KMT2C: variants seen among roughly 807,000 people sequenced by gnomAD.
KMT2C encodes lysine methyltransferase 2C.
Under a neutral mutation model 507.9 loss-of-function variants are expected in KMT2C, and 88 were observed. The ratio of observed to expected loss-of-function variants is 0.17; its 90% confidence interval spans 0.15 to 0.21. The LOEUF (loss-of-function observed/expected upper bound fraction) is 0.21, where lower values mean the gene tolerates loss of function less well. Ranked by LOEUF, KMT2C falls within the 10% of genes least tolerant of loss-of-function variation. The pLI, the probability that KMT2C is intolerant of heterozygous loss-of-function variation, is 1.00. For synonymous variants in KMT2C, 2,049 were observed against 2,080.8 expected (o/e 0.98, Z 0.42); for missense variants, 4,954 against 5,957.8 (o/e 0.83, Z 5.55).
chr7:152,201,283 TACAGAC>T (rs1379801965), intron 26 of KMT2C, among the ~76,000 whole-genome samples: 11 of 127,106 alleles, frequency 8.7e-5, no homozygotes, highest in South Asian at 2.7e-4. Context: ...ATGTCACACA[TACAGAC>T]ACAGACACAC....
chr7:152,339,756 A>G (rs2096973121), intron 2 of KMT2C, among the ~76,000 whole-genome samples: 2 of 152,302 alleles, frequency 1.3e-5, no homozygotes, highest in East Asian at 3.9e-4. Flanking sequence ...CTGTTTTTAT[A>G]AACCAGAGCT....
intron 3 of KMT2C, among the ~76,000 whole-genome samples, chr7:152,321,396 A>T (rs2096771936): frequency 6.6e-6 from 1 of 151,836 alleles, no homozygotes; most frequent in Admixed American, 6.5e-5. Context: ...TAAAAATTTC[A>T]ATATATTACT....
chr7:152,158,703 A>G (rs1422380773), intron 44 of KMT2C, among the ~76,000 whole-genome samples, 160 bp downstream of exon 44: 2 of 151,980 alleles, frequency 1.3e-5, no homozygotes, highest in Non-Finnish European at 2.9e-5. Context: ...TTTCGTAGAG[A>G]TGAGGTTTTG....
At chr7:152,373,721 A>G (rs1015947166) in intron 1 of KMT2C, among the ~76,000 whole-genome samples, 2 of 152,324 alleles carry the variant, frequency 1.3e-5, no homozygotes, top group South Asian at 2.1e-4. Context: ...ATAAACATCA[A>G]TAACTTTTCT....
At chr7:152,347,016 C>G (rs886985142) in intron 2 of KMT2C, among the ~76,000 whole-genome samples, 4 of 152,104 alleles carry the variant, frequency 2.6e-5, no homozygotes, top group African/African-American at 9.7e-5. Flanking sequence ...AATCCCAGCT[C>G]AGGAGGCTGA....
intron 9 of KMT2C, 79 bp downstream of exon 9, chr7:152,262,937 T>G (rs2095804369): frequency 9.9e-6 from 10 of 1,007,682 alleles, no homozygotes; most frequent in Non-Finnish European, 1.3e-5. Context: ...ATGTACAGAT[T>G]TGAATAGGTA....
chr7:152,195,918 A>C lies in KMT2C; in HGVS notation c.4367T>G (p.Val1456Gly). Reference protein sequence around the residue: ...GIISDDLAKSVDHSDIGPVTD... With the variant: ...GIISDDLAKSGDHSDIGPVTD... ...GTATTCATATATACCTGAATGATCA[A>C]CTGATTTTGCTAGATCATCTGAAAT... The change falls in exon 28 of 59, where the codon GTT (valine) becomes GGT (glycine). Residue 1456 changes from valine (V) to glycine (G), a missense_variant. Around this residue, in one of 29 missense-constraint regions of KMT2C, gnomAD observed 140 missense variants for 118.4 expected, o/e 1.18. Transcript: ENST00000262189. 6.3e-7 allele frequency: 1 copy of C among 1,586,188 alleles called. No homozygotes were observed. The highest frequency in any genetic ancestry group is 8.6e-7 in the Non-Finnish European group (1 of 1,156,804).
At chr7:152,139,868 C>A in intron 55 of KMT2C, 77 bp from the exon 56 acceptor site, 1 of 986,188 alleles carries the variant, frequency 1.0e-6, no homozygotes, top group Non-Finnish European at 1.6e-6. Context: ...AAGGTTTCAC[C>A]CTCGGGTCTT....
chr7:152,348,305 G>A (rs1227032597), intron 2 of KMT2C, among the ~76,000 whole-genome samples: 1 of 152,054 alleles, frequency 6.6e-6, no homozygotes, highest in East Asian at 1.9e-4. Context: ...AGGAGATAAA[G>A]CATAGGGAAG....
chr7:152,194,342 G>T (rs2129129328), intron 29 of KMT2C, 81 bp from the exon 30 acceptor site: 1 of 1,384,340 alleles, frequency 7.2e-7, no homozygotes, highest in Non-Finnish European at 1.0e-6. Flanking sequence ...TTAACTGACA[G>T]AAATAATTAG....
rs762516062 is a variant in KMT2C, at chr7:152,315,267, C to G, written c.461G>C (p.Arg154Thr). The G allele has an allele frequency of 5.0e-6, 8 of 1,613,850 alleles. No individual in the cohort carries two copies. Among genetic ancestry groups the G allele is most frequent in the East Asian group, 4.5e-5 (2 of 44,852 alleles). The part of the protein sequence containing the change: ...SLGQGDLKQF[R>T]ITPGFILPWR... ...TGGCAAGATAAATCCAGGCGTTATT[C>G]TGAATTGTTTTAAGTCTCCTTGTCC... Residue 154 changes from arginine to threonine, a missense_variant, in exon 4 of 59, where the codon AGA (arginine) becomes ACA (threonine). Transcript: ENST00000262189.
intron 16 of KMT2C, among the ~76,000 whole-genome samples, chr7:152,231,342 G>A (rs1023853267): frequency 2.6e-5 from 4 of 152,058 alleles, no homozygotes; most frequent in Admixed American, 2.0e-4. Context: ...AGACAAGGAG[G>A]GCATTGCCAA....
In KMT2C at chr7:152,344,430, C is replaced by T. The variant is rs1019215205; in HGVS notation, c.251-13691G>A. ...GATTTCATTATGCTACTGAAAACAG[C>T]GTACAACTTAAAATTTATGAATTGT... On this transcript the variant is annotated intron_variant, in intron 2 of 58. Coordinates refer to ENST00000262189, the MANE Select transcript of KMT2C (RefSeq NM_170606.3). 4.6e-5 allele frequency among the ~76,000 whole-genome samples: 7 copies of T among 152,244 alleles called. No homozygotes were observed. In the East Asian group the frequency reaches 5.8e-4, roughly 13 times the overall value.
rs79542844 is a variant in KMT2C, at chr7:152,357,613, GA to G, written c.250+973del. Among the ~76,000 whole-genome samples, 1,008 of 149,330 alleles carry G rather than the reference GA, an allele frequency of 6.8e-3. 6 individuals are homozygous for G. The highest frequency in any genetic ancestry group is 0.01 in the Non-Finnish European group (704 of 67,264). On this transcript the variant is annotated intron_variant, in intron 2 of 58. Transcript: ENST00000262189. ...AGTAAAAGTAACAATATATAGTACA[GA>G]AAAAAAAACCATATGAAAAAGAATT...
rs55935930 is a variant in KMT2C at position 152,356,897 on chromosome 7, GAATAATAATAAT to G, written c.250+1678_250+1689del. ...CAAGAGTGAGACTCCAACTCAAAAA[GAATAATAATAAT>G]AATAATAATAATAATAATAATAATA... On this transcript the variant is annotated intron_variant, in intron 2 of 58. Transcript: ENST00000262189. 3.8e-3 allele frequency among the ~76,000 whole-genome samples: 525 copies of G among 138,322 alleles called. 5 individuals are homozygous for G. The highest frequency in any genetic ancestry group is 0.017 in the East Asian group (77 of 4,660). 90.7% of individuals were successfully genotyped at this position (138,322 alleles called of 152,430 possible).
At chr7:152,411,390 A>C (rs2097681709) in intron 1 of KMT2C, among the ~76,000 whole-genome samples, 1 of 152,010 alleles carries the variant, frequency 6.6e-6, no homozygotes, top group Non-Finnish European at 1.5e-5. Flanking sequence ...CAGGGCCCAC[A>C]CAAGAAAAAA....
chr7:152,228,480 A>T (rs370889228), intron 18 of KMT2C, among the ~76,000 whole-genome samples: 1 of 152,338 alleles, frequency 6.6e-6, no homozygotes, highest in African/African-American at 2.4e-5. Context: ...GCAGTATTCT[A>T]TACTGTCCAA....
At chr7:152,387,030 GTTACT>G (rs2097435187) in intron 1 of KMT2C, among the ~76,000 whole-genome samples, 2 of 152,148 alleles carry the variant, frequency 1.3e-5, no homozygotes, top group Admixed American at 1.3e-4. Flanking sequence ...ACAGAATAGT[GTTACT>G]TTAAAGTAAA....
At chr7:152,277,300 C>T (rs908951981) in intron 6 of KMT2C, among the ~76,000 whole-genome samples, 2 of 151,854 alleles carry the variant, frequency 1.3e-5, no homozygotes, top group South Asian at 2.1e-4. Context: ...TCCCAGGATG[C>T]AGTAATAAAG....
Sources: gnomAD v4.1 joint callset for allele counts (sites outside exome capture counted in the v4.1 genomes callset) on GRCh38, gnomAD v4.1.1 for gene constraint, gnomAD v4.1.1 regional missense constraint, MANE v1.5 for transcripts, NCBI Gene and HGNC (gene_info 2026-07-23, HGNC 2026-07-21) for gene names.